CRYM: variants seen among roughly 807,000 people sequenced by gnomAD.
CRYM encodes ketimine reductase mu-crystallin.
A neutral mutation model predicts 32.9 loss-of-function variants in CRYM; 18 were observed. That is an observed-to-expected ratio of 0.55 (90% confidence interval 0.38 to 0.81). The LOEUF is 0.81. Among genes scored for constraint, CRYM ranks in the 30% least tolerant of loss-of-function variants. CRYM has a pLI of 0.00. For missense variants in CRYM, 337 were observed against 393.5 expected (o/e 0.86, Z 1.21); for synonymous variants, 153 against 152.4 (o/e 1.00, Z -0.03).
chr16:21,301,595 G>T (rs1231863434), intron 1 of CRYM, among the ~76,000 whole-genome samples: 1 of 152,218 alleles, frequency 6.6e-6, no homozygotes, highest in Admixed American at 6.5e-5. Flanking sequence ...GACTACACTC[G>T]TGGGCGCACG....
chr16:21,268,057 T>G (rs2093367760), intron 4 of CRYM, among the ~76,000 whole-genome samples: 1 of 152,242 alleles, frequency 6.6e-6, no homozygotes, highest in Non-Finnish European at 1.5e-5. Flanking sequence ...GCATAATGAT[T>G]AGCAGAGCAA....
chr16:21,267,812 G>A (rs1470669533), intron 4 of CRYM, 75 bp from the exon 5 acceptor site: 19 of 1,485,298 alleles, frequency 1.3e-5, no homozygotes, highest in Non-Finnish European at 1.7e-5. Flanking sequence ...CAGGGATGCG[G>A]AGGGAAAGTT....
At chr16:21,271,866 T>TC (rs1411868526) in intron 3 of CRYM, among the ~76,000 whole-genome samples, 1 of 152,138 alleles carries the variant, frequency 6.6e-6, no homozygotes, top group Non-Finnish European at 1.5e-5. Context: ...TTTTAAAATT[T>TC]TTTTTTTTTT....
intron 7 of CRYM, among the ~76,000 whole-genome samples, chr16:21,259,265 AT>A (rs1281879181): frequency 3.3e-3 from 467 of 142,082 alleles, no homozygotes; most frequent in Non-Finnish European, 3.8e-3. Flanking sequence ...TGCCTGGCTA[AT>A]TTTTTTTTTT....
At chr16:21,299,784 A>T (rs1002690011) in intron 1 of CRYM, 1 of 152,194 alleles carries the variant, frequency 6.6e-6, no homozygotes, top group Admixed American at 6.5e-5. Context: ...AGCAGGTCAT[A>T]TTGCCTTTTG....
chr16:21,300,024 G>C (rs963863810), intron 1 of CRYM: 3 of 152,224 alleles, frequency 2.0e-5, no homozygotes, highest in Admixed American at 1.3e-4. Flanking sequence ...TTAAGTAAGA[G>C]AGCACTAATG....
chr16:21,284,481 C>G (rs1452152818), intron 1 of CRYM, among the ~76,000 whole-genome samples: 1 of 152,122 alleles, frequency 6.6e-6, no homozygotes, highest in Admixed American at 6.5e-5. Flanking sequence ...ATCCCATTCT[C>G]CTCTCCCCAC....
chr16:21,276,940 T>C (rs2093387735), intron 2 of CRYM, among the ~76,000 whole-genome samples: 1 of 139,482 alleles, frequency 7.2e-6, no homozygotes, highest in Non-Finnish European at 1.6e-5. Flanking sequence ...GAAAAGTGCC[T>C]GATGCATTAT....
At chr16:21,273,224 C>A (rs2093379729) in intron 3 of CRYM, among the ~76,000 whole-genome samples, 1 of 152,106 alleles carries the variant, frequency 6.6e-6, no homozygotes, top group Non-Finnish European at 1.5e-5. Flanking sequence ...GTTCATCAGA[C>A]CCTAGAGCTC....
intron 1 of CRYM, among the ~76,000 whole-genome samples, chr16:21,291,219 C>T (rs1960647305): frequency 1.3e-5 from 2 of 152,044 alleles, no homozygotes; most frequent in Admixed American, 6.6e-5. Context: ...TGATTCATTC[C>T]TGCTGGTACC....
intron 1 of CRYM, among the ~76,000 whole-genome samples, chr16:21,296,841 T>G (rs1960798347): frequency 6.6e-6 from 1 of 151,160 alleles, no homozygotes; most frequent in African/African-American, 2.4e-5. Flanking sequence ...AAACCCCGTC[T>G]CTACTAAAAA....
chr16:21,278,198 G>A lies in CRYM; in HGVS notation c.54C>T (p.Arg18=), dbSNP rs1455007292. The change falls in exon 1 of 8, where the codon CGC becomes CGT. Residue 18 remains arginine, a synonymous_variant. Transcript: ENST00000572914. ...GAGGCGGGATGAGGAGGCTGGAGCT[G>A]CGGAGGTGTTCCTCCACCTCGGCCG... ...LSAAEVEEHL[R]SSSLLIPPLE... 2 of 1,555,932 alleles carry A rather than the reference G, an allele frequency of 1.3e-6. No homozygotes were observed. The highest frequency in any genetic ancestry group is 2.7e-5 in the African/African-American group (2 of 73,224).
At chr16:21,270,478 T>G (rs2093373160) in intron 3 of CRYM, among the ~76,000 whole-genome samples, 6 of 152,092 alleles carry the variant, frequency 3.9e-5, no homozygotes, top group Admixed American at 3.9e-4. Flanking sequence ...GAGATGGGGT[T>G]TCACCATGTT....
intron 1 of CRYM, among the ~76,000 whole-genome samples, chr16:21,296,185 G>A (rs544997375): frequency 4.6e-5 from 7 of 152,284 alleles, no homozygotes; most frequent in Admixed American, 2.6e-4. Flanking sequence ...TGATCCACCC[G>A]CCTTGGCCTC....
At chr16:21,262,551 G>A (rs983412746) in intron 5 of CRYM, among the ~76,000 whole-genome samples, 1 of 151,992 alleles carries the variant, frequency 6.6e-6, no homozygotes, top group Non-Finnish European at 1.5e-5. Context: ...CCTGGGAGGC[G>A]GAGGTTGCAG....
chr16:21,288,318 T>G (rs1334975069), intron 1 of CRYM, among the ~76,000 whole-genome samples: 1 of 152,238 alleles, frequency 6.6e-6, no homozygotes, highest in Non-Finnish European at 1.5e-5. Flanking sequence ...TTACTTGTTC[T>G]TGAGTTAGTT....
chr16:21,292,775 A>G (rs913948132), intron 1 of CRYM, among the ~76,000 whole-genome samples: 2 of 152,158 alleles, frequency 1.3e-5, no homozygotes, highest in African/African-American at 4.8e-5. Flanking sequence ...ACAGAGTTCA[A>G]AAATAGATTC....
upstream of CRYM, chr16:21,278,630 C>G (rs2152863467): frequency 3.6e-6 from 1 of 278,546 alleles, no homozygotes; most frequent in East Asian, 9.6e-5. Context: ...GGTCACCGTG[C>G]CTGGGAAAGA....
At chr16:21,260,250 C>T (rs1263473012) in intron 7 of CRYM, among the ~76,000 whole-genome samples, 1 of 152,098 alleles carries the variant, frequency 6.6e-6, no homozygotes, top group African/African-American at 2.4e-5. Context: ...AACTGTTTAC[C>T]AACCAGTTTG....
Sources: allele counts gnomAD v4.1 joint callset (sites outside exome capture counted in the v4.1 genomes callset), GRCh38; gene constraint gnomAD v4.1.1; transcripts MANE v1.5; gene names NCBI Gene and HGNC (gene_info 2026-07-23, HGNC 2026-07-21).